ITPR1: variants seen among roughly 807,000 people sequenced by gnomAD.
The protein encoded by ITPR1 is inositol 1,4,5-trisphosphate-gated calcium channel ITPR1.
ITPR1 carries 96 observed loss-of-function variants against 318.4 expected under a neutral mutation model. The ratio of observed to expected loss-of-function variants is 0.30; its 90% confidence interval spans 0.26 to 0.36. ITPR1 has a LOEUF of 0.36. Among genes scored for constraint, ITPR1 ranks in the 10% least tolerant of loss-of-function variants. The pLI is 1.00. For missense variants in ITPR1, 2,440 were observed against 3,460.2 expected, an observed-to-expected ratio of 0.71 and a Z score of 7.40; for synonymous variants, 1,312 against 1,289.9, an observed-to-expected ratio of 1.02 and a Z score of -0.37.
intron 23 of ITPR1, 66 bp from the exon 24 acceptor site, chr3:4,676,548 C>G: frequency 3.2e-6 from 4 of 1,254,422 alleles, no homozygotes; most frequent in South Asian, 1.3e-5. Flanking sequence ...GCCCCTGCCC[C>G]TTGACATATG....
chr3:4,813,036 GTTAT>G, intron 56 of ITPR1, 102 bp from the exon 57 acceptor site: 1 of 813,884 alleles, frequency 1.2e-6, no homozygotes, highest in East Asian at 2.5e-5. Flanking sequence ...ATTCTAGGGT[GTTAT>G]TTATGTAAAG....
At chr3:4,549,475 A>G (rs1160443780) in intron 4 of ITPR1, among the ~76,000 whole-genome samples, 1 of 152,034 alleles carries the variant, frequency 6.6e-6, no homozygotes, top group African/African-American at 2.4e-5. Context: ...TTGAATTTGG[A>G]GGACCCCTCC....
intron 4 of ITPR1, among the ~76,000 whole-genome samples, chr3:4,544,536 C>T: frequency 6.6e-6 from 1 of 152,130 alleles, no homozygotes; most frequent in South Asian, 2.1e-4. Context: ...CTGAGAAGTA[C>T]CTAAGCTAAT....
At chr3:4,702,587 A>G (rs947408820) in intron 35 of ITPR1, among the ~76,000 whole-genome samples, 3 of 152,228 alleles carry the variant, frequency 2.0e-5, no homozygotes, top group African/African-American at 7.2e-5. Context: ...TTAAAATAGC[A>G]TCAAGTTAAT....
At chr3:4,517,118 T>A (rs916192734) in intron 3 of ITPR1, among the ~76,000 whole-genome samples, 7 of 152,230 alleles carry the variant, frequency 4.6e-5, no homozygotes, top group African/African-American at 1.7e-4. Context: ...TTTGCTCTTT[T>A]GTGCTTTTTT....
At chr3:4,706,691 G>A (rs981391210) in intron 37 of ITPR1, among the ~76,000 whole-genome samples, 1 of 152,100 alleles carries the variant, frequency 6.6e-6, no homozygotes, top group South Asian at 2.1e-4. Context: ...ATCACTCTGG[G>A]GTTATTTAGC....
Position 4,793,089 on chromosome 3 carries a change from C to T in ITPR1, c.6809-1976C>T, listed in dbSNP as rs140269362. ...AGACATTGCATGTCAAGATTGGTCT[C>T]TAAGTATCTTCTTGCACCTGGATAA... is the stretch of plus-strand genomic sequence containing the variant. On this transcript the variant is annotated intron_variant, in intron 52 of 61. Coordinates refer to ENST00000649015, the MANE Select transcript of ITPR1 (RefSeq NM_001378452.1). 5.0e-4 allele frequency among the ~76,000 whole-genome samples: 76 copies of T among 152,308 alleles called. 1 individual carries two copies. Among genetic ancestry groups the T allele is most frequent in the African/African-American group, 1.7e-3 (69 of 41,574 alleles).
chr3:4,820,998 T>G (rs1433437328), intron 60 of ITPR1, among the ~76,000 whole-genome samples: 3 of 152,174 alleles, frequency 2.0e-5, no homozygotes, highest in Non-Finnish European at 2.9e-5. Context: ...CAGCCACAGT[T>G]GGGATGAGGC....
Position 4,693,493 on chromosome 3 carries a change from G to C in ITPR1, c.4033G>C (p.Val1345Leu). 6.2e-7 allele frequency: 1 copy of C among 1,613,424 alleles called. No individual in the cohort carries two copies. Among genetic ancestry groups the C allele is most frequent in the South Asian group, 1.1e-5 (1 of 91,076 alleles). ...ACCCACCCTGTTCTTTATGTAGCTG[G>C]TCAATTCGGGAGAGGATGTCCTCGT... ...KCQDMVMAEL[V>L]NSGEDVLVFY... Residue 1345 changes from valine to leucine, a missense_variant, in exon 33 of 62, where the codon GTC becomes CTC. Transcript: ENST00000649015.
At chr3:4,534,950 G>A (rs1034273589) in intron 4 of ITPR1, among the ~76,000 whole-genome samples, 5 of 152,124 alleles carry the variant, frequency 3.3e-5, no homozygotes, top group African/African-American at 9.7e-5. Context: ...CAAAGAATAC[G>A]GGGTTTTGTT....
At chr3:4,721,113 T>G (rs1414629945) in intron 40 of ITPR1, among the ~76,000 whole-genome samples, 1 of 147,740 alleles carries the variant, frequency 6.8e-6, no homozygotes, top group East Asian at 1.9e-4. Flanking sequence ...GAGGGATATA[T>G]ATATATATAT....
intron 4 of ITPR1, among the ~76,000 whole-genome samples, chr3:4,623,881 A>AATG (rs1559558490): frequency 1.3e-5 from 2 of 152,010 alleles, no homozygotes; most frequent in African/African-American, 4.8e-5. Flanking sequence ...GCAATGCAAT[A>AATG]CTCTGTTTCG....
intron 15 of ITPR1, 110 bp downstream of exon 15, chr3:4,662,352 C>T: frequency 2.2e-6 from 2 of 924,860 alleles, no homozygotes; most frequent in Non-Finnish European, 1.5e-6. Context: ...CATGGGGTAG[C>T]AGGCCTTAGC....
Position 4,732,390 on chromosome 3 carries a change from C to T in ITPR1, c.5221-698C>T, listed in dbSNP as rs556093784. Among the ~76,000 whole-genome samples the T allele has an allele frequency of 1.3e-3, 203 of 152,244 alleles. 1 individual carries two copies. The highest frequency in any genetic ancestry group is 5.2e-3 in the Admixed American group (79 of 15,300). ...TTCAACAGCAACTGTCAGCTCATGC[C>T]CACTCTTGTCTCACTTATATCCCTC... On this transcript the variant is annotated intron_variant, in intron 42 of 61. Coordinates refer to ENST00000649015, the MANE Select transcript of ITPR1 (RefSeq NM_001378452.1).
intron 12 of ITPR1, among the ~76,000 whole-genome samples, chr3:4,654,168 C>T (rs752076288): frequency 6.6e-6 from 1 of 152,156 alleles, no homozygotes; most frequent in Non-Finnish European, 1.5e-5. Flanking sequence ...TTGGAAGACT[C>T]CTAGGGTTGG....
intron 4 of ITPR1, among the ~76,000 whole-genome samples, chr3:4,529,699 A>AT (rs1279311369): frequency 6.6e-6 from 1 of 152,084 alleles, no homozygotes; most frequent in East Asian, 1.9e-4. Context: ...TGAATTAAAA[A>AT]TTTTTTTTGG....
intron 4 of ITPR1, among the ~76,000 whole-genome samples, chr3:4,551,775 CAG>C (rs2085590147): frequency 6.6e-6 from 1 of 152,232 alleles, no homozygotes; most frequent in African/African-American, 2.4e-5. Context: ...AATCTGAAAT[CAG>C]AGAAGTCGGC....
At chr3:4,718,271 G>A (rs117713319) in intron 40 of ITPR1, among the ~76,000 whole-genome samples, 3 of 152,282 alleles carry the variant, frequency 2.0e-5, no homozygotes, top group East Asian at 3.9e-4. Flanking sequence ...CAAGCAAACT[G>A]GACAAAAACT....
chr3:4,697,402 A>T lies in ITPR1; in HGVS notation c.4407+130A>T, dbSNP rs546562522. 62 of 812,706 alleles carry T rather than the reference A, an allele frequency of 7.6e-5. 1 individual carries two copies. In the East Asian group the frequency reaches 1.8e-3, roughly 23 times the overall value. The allele number at this position is 812,706 out of a possible 1,614,324, so 50.3% of individuals were successfully genotyped here. Reference sequence around the variant, plus strand: ...AAAACAGCTGCATCATTTCTACTCTAATCCGTGGCATGAGGAGGCACTTGT... The same window carrying T: ...AAAACAGCTGCATCATTTCTACTCTTATCCGTGGCATGAGGAGGCACTTGT... On this transcript the variant is annotated intron_variant, in intron 34 of 61. Transcript: ENST00000649015.
Sources: gnomAD v4.1 joint callset for allele counts (sites outside exome capture counted in the v4.1 genomes callset) on GRCh38, gnomAD v4.1.1 for gene constraint, MANE v1.5 for transcripts, NCBI Gene and HGNC (gene_info 2026-07-23, HGNC 2026-07-21) for gene names.